Variants in TBCK observed in about 807,000 individuals in gnomAD.
The protein encoded by TBCK is TBC1 domain containing kinase, also known as TBC domain-containing protein kinase-like protein.
Under a neutral mutation model 113.4 loss-of-function variants are expected in TBCK, and 99 were observed. That is an observed-to-expected ratio of 0.87 (90% CI 0.74 to 1.03). The LOEUF is 1.03. Ranked by LOEUF, TBCK falls within the 50% of genes least tolerant of loss-of-function variation. TBCK has a pLI of 0.00. For synonymous variants in TBCK, 369 were observed against 370.8 expected (o/e 1.00, Z 0.05); for missense variants, 1,045 against 1,061.3 (o/e 0.98, Z 0.21).
intron 23 of TBCK, among the ~76,000 whole-genome samples, chr4:106,153,365 T>C (rs1207606024): frequency 6.6e-6 from 1 of 152,094 alleles, no homozygotes; most frequent in Non-Finnish European, 1.5e-5. Flanking sequence ...TTTGCATAAA[T>C]TTCTCTTGTA....
intron 5 of TBCK, among the ~76,000 whole-genome samples, chr4:106,258,250 A>G (rs1762189771): frequency 6.6e-6 from 1 of 152,156 alleles, no homozygotes; most frequent in East Asian, 1.9e-4. Context: ...GGCTTTCATC[A>G]TCTGTTTGAT....
At chr4:106,055,492 T>A (rs1239042414) in intron 25 of TBCK, among the ~76,000 whole-genome samples, 1 of 151,372 alleles carries the variant, frequency 6.6e-6, no homozygotes. Flanking sequence ...GTGCATAACA[T>A]CTTAGCATGA....
At chr4:106,172,248 A>G (rs1751116239) in intron 22 of TBCK, among the ~76,000 whole-genome samples, 1 of 152,162 alleles carries the variant, frequency 6.6e-6, no homozygotes, top group African/African-American at 2.4e-5. Context: ...CTTTCATATT[A>G]GATTTCCTTT....
At chr4:106,110,806 C>T (rs59605868) in intron 24 of TBCK, among the ~76,000 whole-genome samples, 1,882 of 152,148 alleles carry the variant, frequency 0.012, 46 homozygotes, top group African/African-American at 0.04. Flanking sequence ...CCCTCAGCCC[C>T]GCTGTCTCCA....
intron 23 of TBCK, among the ~76,000 whole-genome samples, chr4:106,124,434 T>A (rs1325279876): frequency 6.6e-6 from 1 of 152,168 alleles, no homozygotes; most frequent in East Asian, 1.9e-4. Flanking sequence ...ATTGTGGAAG[T>A]CAGTGTGGCG....
intron 23 of TBCK, among the ~76,000 whole-genome samples, chr4:106,159,074 C>CA (rs375612789): frequency 6.7e-6 from 1 of 148,508 alleles, no homozygotes; most frequent in East Asian, 2.0e-4. Flanking sequence ...AAATTGATAC[C>CA]AAAAAAAGAA....
intron 12 of TBCK, among the ~76,000 whole-genome samples, chr4:106,241,709 C>T (rs1466985657): frequency 6.6e-6 from 1 of 151,502 alleles, no homozygotes; most frequent in South Asian, 2.1e-4. Context: ...ACCTTCCTTA[C>T]AACTTAATCT....
chr4:106,230,637 A>G (rs1758754653), intron 18 of TBCK, among the ~76,000 whole-genome samples, 191 bp from the exon 19 acceptor site: 1 of 151,938 alleles, frequency 6.6e-6, no homozygotes, highest in Admixed American at 6.6e-5. Context: ...TTTATTTTAG[A>G]CAACAAAAAA....
intron 3 of TBCK, among the ~76,000 whole-genome samples, chr4:106,263,178 C>T (rs1762655307): frequency 6.6e-6 from 1 of 151,744 alleles, no homozygotes; most frequent in Non-Finnish European, 1.5e-5. Flanking sequence ...CCTTTCTATC[C>T]ATTTTTTTTA....
chr4:106,077,216 C>T (rs1297033477), intron 25 of TBCK, among the ~76,000 whole-genome samples: 8 of 152,198 alleles, frequency 5.3e-5, no homozygotes, highest in African/African-American at 1.9e-4. Flanking sequence ...ACCATAAAAA[C>T]ACACTTAAGA....
chr4:106,227,009 C>T (rs1758317592), intron 19 of TBCK, among the ~76,000 whole-genome samples: 1 of 152,064 alleles, frequency 6.6e-6, no homozygotes, highest in Non-Finnish European at 1.5e-5. Flanking sequence ...ACTTCCACTA[C>T]AAAATGCACT....
intron 17 of TBCK, 114 bp downstream of exon 17, chr4:106,232,824 C>T: frequency 2.0e-6 from 2 of 1,016,830 alleles, no homozygotes; most frequent in Non-Finnish European, 1.4e-6. Context: ...ATCAGAGCGT[C>T]AATATTGACT....
chr4:106,187,218 C>T (rs1753121526), intron 22 of TBCK, among the ~76,000 whole-genome samples: 1 of 151,862 alleles, frequency 6.6e-6, no homozygotes, highest in Admixed American at 6.6e-5. Context: ...TTTGGTGATT[C>T]GGGCTCTTTT....
rs139493019 is a variant in TBCK at position 106,256,006 on chromosome 4, G to C, written c.456-3999C>G. On this transcript the variant is annotated intron_variant, in intron 5 of 25. Transcript: ENST00000394708. ...CTATGAGCATTCAGCCCTCAGCAGA[G>C]AGAAGACCCTGGGGTGGGTAGCTCC... Among the ~76,000 whole-genome samples the C allele has an allele frequency of 5.0e-3, 763 of 152,268 alleles. 4 individuals are homozygous for C. Among genetic ancestry groups the C allele is most frequent in the African/African-American group, 0.018 (734 of 41,564 alleles).
chr4:106,126,620 CA>C (rs1022824351), intron 23 of TBCK, among the ~76,000 whole-genome samples: 14 of 151,810 alleles, frequency 9.2e-5, no homozygotes, highest in African/African-American at 3.4e-4. Flanking sequence ...AGGTCTGCAA[CA>C]AAAAAACTCA....
At chr4:106,085,300 A>C (rs1003772824) in intron 25 of TBCK, among the ~76,000 whole-genome samples, 7 of 152,060 alleles carry the variant, frequency 4.6e-5, no homozygotes, top group Non-Finnish European at 8.8e-5. Flanking sequence ...ACAAAACAAA[A>C]CAAAACGGGT....
rs191425745 is a variant in TBCK at position 106,051,992 on chromosome 4, T to C, written c.2572-5312A>G. On this transcript the variant is annotated intron_variant, in intron 25 of 25. Coordinates refer to ENST00000394708, the MANE Select transcript of TBCK (RefSeq NM_001163435.3). ...CCCTTGATTATATAATTAAATATAATTTTGAATGTCACTTTTTGTTTCAAT... is the reference window on the plus strand; with the variant it reads ...CCCTTGATTATATAATTAAATATAACTTTGAATGTCACTTTTTGTTTCAAT... 8.8e-4 allele frequency among the ~76,000 whole-genome samples: 134 copies of C among 152,016 alleles called. 1 individual carries two copies. The highest frequency in any genetic ancestry group is 3.2e-3 in the African/African-American group (132 of 41,538).
chr4:106,274,983 G>C (rs1438465393), intron 3 of TBCK, among the ~76,000 whole-genome samples: 1 of 152,068 alleles, frequency 6.6e-6, no homozygotes. Flanking sequence ...AAGCTTTAAA[G>C]TATGTAGGTG....
chr4:106,260,565 T>A (rs867829883), intron 4 of TBCK, 55 bp from the exon 5 acceptor site: 3 of 532,248 alleles, frequency 5.6e-6, no homozygotes, highest in Middle Eastern at 1.0e-3. Flanking sequence ...ATTGGCAACA[T>A]ATAATTTATA....
Sources: gnomAD v4.1 joint callset for allele counts (sites outside exome capture counted in the v4.1 genomes callset) on GRCh38, gnomAD v4.1.1 for gene constraint, MANE v1.5 for transcripts, NCBI Gene and HGNC (gene_info 2026-07-23, HGNC 2026-07-21) for gene names.